Variants in LDLRAP1 observed in about 807,000 individuals in gnomAD.
The protein encoded by LDLRAP1 is low density lipoprotein receptor adaptor protein 1.
A neutral mutation model predicts 37.8 loss-of-function variants in LDLRAP1; 30 were observed. That is an observed-to-expected ratio of 0.79 (90% CI 0.59 to 1.08). The LOEUF (loss-of-function observed/expected upper bound fraction) is 1.08, where lower values mean the gene tolerates loss of function less well. Ranked by LOEUF, LDLRAP1 falls within the 50% of genes least tolerant of loss-of-function variation. The pLI, the probability that LDLRAP1 is intolerant of heterozygous loss-of-function variation, is 0.00. For synonymous variants in LDLRAP1, 156 were observed against 169.8 expected, an observed-to-expected ratio of 0.92 and a Z score of 0.63; for missense variants, 375 against 401.6, an observed-to-expected ratio of 0.93 and a Z score of 0.57.
At chr1:25,576,949 A>G in the LDLRAP1 span, among the ~76,000 whole-genome samples, 2 of 152,164 alleles carry the variant, frequency 1.3e-5, no homozygotes, top group African/African-American at 4.8e-5. Context: ...GGTGGGGTTC[A>G]GGCCTGTACC....
At chr1:25,580,893 T>C in the LDLRAP1 span, among the ~76,000 whole-genome samples, 1 of 152,168 alleles carries the variant, frequency 6.6e-6, no homozygotes, top group Admixed American at 6.5e-5. Flanking sequence ...TCATCAGTAG[T>C]AACCCCAGGC....
chr1:25,577,811 C>T, the LDLRAP1 span, among the ~76,000 whole-genome samples: 1 of 152,236 alleles, frequency 6.6e-6, no homozygotes, highest in African/African-American at 2.4e-5. Flanking sequence ...TCTTCCCCAT[C>T]TGTAAATGGG....
chr1:25,550,983 G>A (rs1312159570), intron 1 of LDLRAP1, among the ~76,000 whole-genome samples: 1 of 152,182 alleles, frequency 6.6e-6, no homozygotes, highest in African/African-American at 2.4e-5. Flanking sequence ...TGAACCAGAG[G>A]AAATGGGAGA....
chr1:25,556,718 C>T (rs2044209042), intron 3 of LDLRAP1, among the ~76,000 whole-genome samples: 1 of 152,202 alleles, frequency 6.6e-6, no homozygotes, highest in African/African-American at 2.4e-5. Flanking sequence ...CAAGTGAGTT[C>T]AGGTCTGGGC....
At chr1:25,569,720 G>T (rs969509294), downstream of LDLRAP1, among the ~76,000 whole-genome samples, 1 of 152,338 alleles carries the variant, frequency 6.6e-6, no homozygotes, top group African/African-American at 2.4e-5. Context: ...TGTGCCGGGT[G>T]TTGTGCTGAG....
rs201930466 is a variant in LDLRAP1, at chr1:25,566,880, T to C, written c.815T>C (p.Leu272Pro). 4 of 1,612,606 alleles carry C rather than the reference T, an allele frequency of 2.5e-6. No homozygotes were observed. The highest frequency in any genetic ancestry group is 2.5e-6 in the Non-Finnish European group (3 of 1,179,566). ...LAQSRTNPQV[L>P]DTGLTAQDMH... ...CAGTCTCGGACAAACCCTCAGGTCCTGGACACTGGCCTGACAGCCCAGGAC... is the reference window on the plus strand; with the variant it reads ...CAGTCTCGGACAAACCCTCAGGTCCCGGACACTGGCCTGACAGCCCAGGAC... Residue 272 changes from leucine to proline, a missense_variant, in exon 9 of 9, where the codon CTG becomes CCG. Coordinates refer to ENST00000374338, the MANE Select transcript of LDLRAP1 (RefSeq NM_015627.3).
At chr1:25,571,629 G>C (rs2044605893), downstream of LDLRAP1, among the ~76,000 whole-genome samples, 1 of 152,238 alleles carries the variant, frequency 6.6e-6, no homozygotes, top group Non-Finnish European at 1.5e-5. Context: ...ACAGCTATTA[G>C]GAGGCAGGCC....
At chr1:25,570,728 G>A (rs1358351327), downstream of LDLRAP1, among the ~76,000 whole-genome samples, 3 of 151,980 alleles carry the variant, frequency 2.0e-5, no homozygotes, top group Non-Finnish European at 4.4e-5. Context: ...GCGTGGTGGC[G>A]GGCGCCTGTA....
In LDLRAP1 at chr1:25,567,524, A is replaced by AGG. The variant is rs1484633875; in HGVS notation, c.*533_*534dup. 4.3e-6 allele frequency: 1 copy of AGG among 231,414 alleles called. No homozygotes were observed. The highest frequency in any genetic ancestry group is 8.7e-6 in the Non-Finnish European group (1 of 114,922). The allele number at this position is 231,414 out of a possible 1,614,324, so 14.3% of individuals were successfully genotyped here. ...CTGCTCTGCTTCCTCAGGGCCCAGCAGGCGGGGGTTTGAGCCCTGGACCCC... is the reference window on the plus strand; with the variant it reads ...CTGCTCTGCTTCCTCAGGGCCCAGCAGGGGCGGGGGTTTGAGCCCTGGACCCC... On this transcript the variant is annotated 3_prime_UTR_variant, in exon 9 of 9. Transcript: ENST00000374338.
At chr1:25,582,397 G>C in the LDLRAP1 span, among the ~76,000 whole-genome samples, 2,223 of 152,062 alleles carry the variant, frequency 0.015, 56 homozygotes, top group African/African-American at 0.048. Flanking sequence ...CCATCCTGGC[G>C]AACACGGTGA....
intron 7 of LDLRAP1, chr1:25,564,936 C>T: frequency 3.6e-6 from 2 of 548,672 alleles, no homozygotes; most frequent in East Asian, 6.2e-5. Flanking sequence ...CCACCTGGGT[C>T]TCCAGACACC....
In LDLRAP1 at chr1:25,543,616, G is replaced by T. The variant is rs1400864020; in HGVS notation, c.-83G>T. The T allele has an allele frequency of 9.9e-7, 1 of 1,007,682 alleles. No individual in the cohort carries two copies. The highest frequency in any genetic ancestry group is 3.7e-5 in the East Asian group (1 of 27,348). The allele number at this position is 1,007,682 out of a possible 1,614,324, so 62.4% of individuals were successfully genotyped here. ...GGCGCTGGGAGGGGAGGAGCGCGCA[G>T]CCCGCGCGCCGCAGGGCCGGGCGGA... is the stretch of plus-strand genomic sequence containing the variant. On this transcript the variant is annotated 5_prime_UTR_variant, in exon 1 of 9. Coordinates refer to ENST00000374338, the MANE Select transcript of LDLRAP1 (RefSeq NM_015627.3).
chr1:25,580,983 A>G, the LDLRAP1 span, among the ~76,000 whole-genome samples: 1 of 152,254 alleles, frequency 6.6e-6, no homozygotes, highest in Admixed American at 6.5e-5. Flanking sequence ...GTTTCCCTAA[A>G]TTGAGGCCAG....
intron 1 of LDLRAP1, among the ~76,000 whole-genome samples, chr1:25,546,684 TAGG>T (rs1160354615): frequency 6.6e-6 from 1 of 151,932 alleles, no homozygotes; most frequent in African/African-American, 2.4e-5. Flanking sequence ...GGTGAAGAAA[TAGG>T]AGGTGCAGGT....
At chr1:25,571,570 A>G (rs1291694876), downstream of LDLRAP1, among the ~76,000 whole-genome samples, 3 of 152,176 alleles carry the variant, frequency 2.0e-5, no homozygotes, top group Admixed American at 1.3e-4. Context: ...CCCATTTTAG[A>G]GATGATGATA....
intron 4 of LDLRAP1, among the ~76,000 whole-genome samples, chr1:25,561,261 T>TAA (rs1289807093): frequency 6.6e-6 from 1 of 152,234 alleles, no homozygotes; most frequent in Non-Finnish European, 1.5e-5. Context: ...GCTTAAATTG[T>TAA]AAACAGCTGC....
downstream of LDLRAP1, among the ~76,000 whole-genome samples, chr1:25,571,032 TC>T (rs553679359): frequency 1.1e-3 from 166 of 152,270 alleles, 2 homozygotes; most frequent in Admixed American, 8.1e-3. Context: ...AAGTCTCACA[TC>T]CACTCGGGGA....
the LDLRAP1 span, among the ~76,000 whole-genome samples, chr1:25,583,645 C>A: frequency 2.0e-5 from 3 of 152,106 alleles, no homozygotes; most frequent in Non-Finnish European, 4.4e-5. Context: ...TGGAAAACTT[C>A]TGTTATCATT....
In LDLRAP1 at chr1:25,568,146, A is replaced by G. The variant is rs1396068367; in HGVS notation, c.*1154A>G. ...CTATTTTCTGACCAAAATGTGTTTC[A>G]TAACAAACCATCTGGTGCCTTTCCA... is the stretch of plus-strand genomic sequence containing the variant. On this transcript the variant is annotated 3_prime_UTR_variant, in exon 9 of 9. Transcript: ENST00000374338. The G allele has an allele frequency of 6.6e-6, 1 of 152,648 alleles. No individual in the cohort carries two copies. The highest frequency in any genetic ancestry group is 2.4e-5 in the African/African-American group (1 of 41,466). The allele number at this position is 152,648 out of a possible 1,614,324, so 9.5% of individuals were successfully genotyped here. A position where few individuals can be genotyped will look rare whatever the true frequency, so the allele number is the denominator to read the frequency against.
Sources: allele counts gnomAD v4.1 joint callset (sites outside exome capture counted in the v4.1 genomes callset), GRCh38; gene constraint gnomAD v4.1.1; transcripts MANE v1.5; gene names NCBI Gene and HGNC (gene_info 2026-07-23, HGNC 2026-07-21).